DDX46: variants seen among roughly 807,000 people sequenced by gnomAD.
DDX46 encodes the protein DEAD-box helicase 46.
Under a neutral mutation model 134.9 loss-of-function variants are expected in DDX46, and 30 were observed. That is an observed-to-expected ratio of 0.22 (90% confidence interval 0.17 to 0.30). The LOEUF is 0.30. Ranked by LOEUF, DDX46 falls within the 10% of genes least tolerant of loss-of-function variation. DDX46 has a pLI of 1.00. For synonymous variants in DDX46, 415 were observed against 404.1 expected, an observed-to-expected ratio of 1.03 and a Z score of -0.32; for missense variants, 622 against 1,248.7, an observed-to-expected ratio of 0.50 and a Z score of 7.56.
intron 3 of DDX46, 108 bp from the exon 4 acceptor site, chr5:134,770,795 C>T (rs990360351): frequency 5.4e-5 from 50 of 918,122 alleles, no homozygotes; most frequent in Non-Finnish European, 7.1e-5. Flanking sequence ...CCAGTCTGGG[C>T]GACAGAGTGA....
intron 18 of DDX46, among the ~76,000 whole-genome samples, chr5:134,812,789 C>T (rs1039586958): frequency 3.3e-5 from 5 of 152,132 alleles, no homozygotes; most frequent in Non-Finnish European, 7.4e-5. Flanking sequence ...AGGCACCCAC[C>T]ACCACGCCCG....
At chr5:134,782,861 T>C in intron 8 of DDX46, 84 bp from the exon 9 acceptor site, 1 of 1,525,936 alleles carries the variant, frequency 6.6e-7, no homozygotes, top group South Asian at 1.2e-5. Flanking sequence ...GAGTTAAAGT[T>C]TGTTAATCTT....
intron 15 of DDX46, among the ~76,000 whole-genome samples, chr5:134,800,228 G>A (rs908295529): frequency 3.9e-5 from 6 of 152,026 alleles, no homozygotes; most frequent in South Asian, 2.1e-4. Flanking sequence ...GGTTACAGGC[G>A]TGAGCTCCTG....
chr5:134,785,342 T>G (rs1580791582), intron 10 of DDX46, 123 bp from the exon 11 acceptor site: 1 of 1,198,760 alleles, frequency 8.3e-7, no homozygotes, highest in Admixed American at 3.0e-5. Context: ...TTTTCAGGGA[T>G]GCATAACAAA....
At chr5:134,801,535 C>T (rs1754827762) in intron 15 of DDX46, among the ~76,000 whole-genome samples, 1 of 152,026 alleles carries the variant, frequency 6.6e-6, no homozygotes, top group African/African-American at 2.4e-5. Context: ...GTAGTTGGGA[C>T]TATACGAATG....
intron 22 of DDX46, among the ~76,000 whole-genome samples, chr5:134,827,925 T>C (rs1214715145): frequency 6.6e-6 from 1 of 152,234 alleles, no homozygotes; most frequent in Non-Finnish European, 1.5e-5. Context: ...GGCTAGGTAT[T>C]GCTAAATAGT....
chr5:134,764,898 ACTCTTTCT>A (rs1203500130), intron 2 of DDX46, among the ~76,000 whole-genome samples: 3 of 134,262 alleles, frequency 2.2e-5, no homozygotes, highest in African/African-American at 5.7e-5. Context: ...TTCCTCCCTC[ACTCTTTCT>A]CTCTTTCTCT....
At chr5:134,815,082 A>T (rs1486578796) in intron 18 of DDX46, among the ~76,000 whole-genome samples, 1 of 152,220 alleles carries the variant, frequency 6.6e-6, no homozygotes, top group Admixed American at 6.5e-5. Context: ...CCCCATCTCT[A>T]TAAAAAGGTT....
At chr5:134,771,226 T>G (rs1753758351) in intron 4 of DDX46, among the ~76,000 whole-genome samples, 2 of 151,592 alleles carry the variant, frequency 1.3e-5, no homozygotes, top group Non-Finnish European at 2.9e-5. Context: ...TCCCAAGTAG[T>G]TGGGACTATA....
At chr5:134,788,866 AT>A (rs1754422593) in intron 12 of DDX46, among the ~76,000 whole-genome samples, 1 of 152,098 alleles carries the variant, frequency 6.6e-6, no homozygotes. Flanking sequence ...AAAAATAATA[AT>A]TGTAACAAGT....
intron 1 of DDX46, among the ~76,000 whole-genome samples, chr5:134,763,471 T>C (rs957387428): frequency 6.6e-6 from 1 of 152,238 alleles, no homozygotes; most frequent in Non-Finnish European, 1.5e-5. Flanking sequence ...GCTTCCTCTT[T>C]AGGGACTTTG....
chr5:134,777,523 A>G (rs1449402876), intron 5 of DDX46, 51 bp from the exon 6 acceptor site: 2 of 1,603,628 alleles, frequency 1.2e-6, no homozygotes, highest in South Asian at 2.2e-5. Flanking sequence ...TGATTGTGAA[A>G]TACTGCATTT....
At chr5:134,781,046 A>G in intron 6 of DDX46, 87 bp from the exon 7 acceptor site, 4 of 919,186 alleles carry the variant, frequency 4.4e-6, no homozygotes, top group Non-Finnish European at 6.3e-6. Flanking sequence ...ACTAAAGATG[A>G]AATTGTGTCA....
At position 134,811,265 on chromosome 5, in the gene DDX46, T is replaced by C. The variant is rs781769658; in HGVS notation, c.2193T>C (p.Ala731=). ...TCACAGAGGATCAAGCTCGCTATGC[T>C]GGTGACATAATTAAAGCTCTTGAAT... ...TFITEDQARY[A]GDIIKALELS... is the part of the protein sequence containing the mutation. The change falls in exon 17 of 23, where the codon GCT becomes GCC. Residue 731 remains alanine (A), a synonymous_variant. Transcript: ENST00000452510. The C allele has an allele frequency of 3.7e-6, 6 of 1,614,094 alleles. No individual in the cohort carries two copies. The highest frequency in any genetic ancestry group is 8.5e-7 in the Non-Finnish European group (1 of 1,179,980).
chr5:134,769,735 CA>C, intron 3 of DDX46, among the ~76,000 whole-genome samples: 1 of 151,950 alleles, frequency 6.6e-6, no homozygotes, highest in African/African-American at 2.4e-5. Flanking sequence ...TTAGTAGAGA[CA>C]GGGTTTCACC....
chr5:134,820,792 G>A (rs1371484692), intron 21 of DDX46, among the ~76,000 whole-genome samples: 2 of 151,558 alleles, frequency 1.3e-5, no homozygotes, highest in Admixed American at 1.3e-4. Context: ...ATTTCTAGCT[G>A]TAAATGCCTG....
At chr5:134,821,629 T>C (rs1477522251) in intron 21 of DDX46, among the ~76,000 whole-genome samples, 1 of 150,934 alleles carries the variant, frequency 6.6e-6, no homozygotes, top group Non-Finnish European at 1.5e-5. Context: ...CAATTTTGGC[T>C]CACTGCAACC....
At chr5:134,787,872 C>T (rs1754384922) in intron 11 of DDX46, among the ~76,000 whole-genome samples, 2 of 142,338 alleles carry the variant, frequency 1.4e-5, no homozygotes. Context: ...TAGCGAGTGC[C>T]TGTAGTCCTA....
At chr5:134,820,684 A>G (rs2150160819) in intron 21 of DDX46, among the ~76,000 whole-genome samples, 1 of 152,308 alleles carries the variant, frequency 6.6e-6, no homozygotes, top group East Asian at 1.9e-4. Flanking sequence ...TCATGTAACA[A>G]AAGTTTGTCC....
Sources: gnomAD v4.1 joint callset for allele counts (sites outside exome capture counted in the v4.1 genomes callset) on GRCh38, gnomAD v4.1.1 for gene constraint, MANE v1.5 for transcripts, NCBI Gene and HGNC (gene_info 2026-07-23, HGNC 2026-07-21) for gene names.